RELCH: variants seen among roughly 807,000 people sequenced by gnomAD.
The protein encoded by RELCH is RAB11-binding protein RELCH.
A neutral mutation model predicts 150.3 loss-of-function variants in RELCH; 41 were observed. The ratio of observed to expected loss-of-function variants is 0.27; its 90% CI spans 0.21 to 0.35. The LOEUF (loss-of-function observed/expected upper bound fraction) is 0.35. Among genes scored for constraint, RELCH ranks in the 10% least tolerant of loss-of-function variants. RELCH has a pLI of 1.00. For missense variants in RELCH, 1,092 were observed against 1,467.8 expected (o/e 0.74, Z 4.18); for synonymous variants, 478 against 531.8 (o/e 0.90, Z 1.39).
chr18:62,274,886 A>C (rs1042734884), intron 21 of RELCH, among the ~76,000 whole-genome samples: 2 of 152,226 alleles, frequency 1.3e-5, no homozygotes, highest in Admixed American at 1.3e-4. Flanking sequence ...TTGTATAAGG[A>C]AGGTGACATC....
chr18:62,211,519 T>C (rs2148313798), intron 2 of RELCH, among the ~76,000 whole-genome samples: 1 of 152,344 alleles, frequency 6.6e-6, no homozygotes, highest in East Asian at 1.9e-4. Flanking sequence ...AACTAATGTA[T>C]GACAGGTCCA....
At chr18:62,252,016 A>T (rs1478672488) in intron 11 of RELCH, among the ~76,000 whole-genome samples, 1 of 151,784 alleles carries the variant, frequency 6.6e-6, no homozygotes, top group Non-Finnish European at 1.5e-5. Context: ...TTTTTTCTTG[A>T]GACGGAGTCT....
intron 2 of RELCH, among the ~76,000 whole-genome samples, chr18:62,212,793 G>C (rs925048759): frequency 2.0e-5 from 3 of 152,164 alleles, no homozygotes; most frequent in Middle Eastern, 3.2e-3. Flanking sequence ...TGGCATGAAA[G>C]ATTAGGTTTG....
chr18:62,200,588 A>T (rs2039366377), intron 1 of RELCH, among the ~76,000 whole-genome samples: 1 of 150,588 alleles, frequency 6.6e-6, no homozygotes, highest in African/African-American at 2.4e-5. Context: ...TAATGGAGAG[A>T]TAGACCAAGA....
At chr18:62,204,533 C>T (rs536195099) in intron 1 of RELCH, among the ~76,000 whole-genome samples, 5 of 152,056 alleles carry the variant, frequency 3.3e-5, no homozygotes, top group African/African-American at 9.6e-5. Flanking sequence ...TGTCTCACTA[C>T]GTTTCCCAGG....
At chr18:62,290,508 G>GT (rs1406576925) in intron 26 of RELCH, among the ~76,000 whole-genome samples, 1 of 152,178 alleles carries the variant, frequency 6.6e-6, no homozygotes, top group African/African-American at 2.4e-5. Context: ...TCCAGCCTGC[G>GT]TGAGAAGAGC....
intron 5 of RELCH, among the ~76,000 whole-genome samples, chr18:62,226,753 C>A (rs890074662): frequency 2.0e-5 from 3 of 151,810 alleles, no homozygotes; most frequent in African/African-American, 7.3e-5. Flanking sequence ...ACAATTAAAC[C>A]TATTGATCTA....
intron 1 of RELCH, among the ~76,000 whole-genome samples, chr18:62,189,886 A>C (rs1379816197): frequency 6.6e-6 from 1 of 152,192 alleles, no homozygotes; most frequent in Non-Finnish European, 1.5e-5. Context: ...ATTCATGTGC[A>C]CCTGTGCTTT....
At position 62,275,321 on chromosome 18, in the gene RELCH, A is replaced by G. The variant is rs540595415; in HGVS notation, c.2868-53A>G. The G allele has an allele frequency of 1.6e-5, 14 of 854,948 alleles. No individual in the cohort carries two copies. In the East Asian group the frequency reaches 3.7e-4, roughly 23 times the overall value. 53.0% of individuals were successfully genotyped at this position (854,948 alleles called of 1,614,324 possible). A position where few individuals can be genotyped will look rare whatever the true frequency, so the allele number is the denominator to read the frequency against. ...TAAATATCGTGTTTTTCAGTTCACT[A>G]GTAAGGGACTGTGGCTCTCAATTTT... is the stretch of plus-strand genomic sequence containing the variant. On this transcript the variant is annotated intron_variant, in intron 21 of 28. Transcript: ENST00000644646.
intron 19 of RELCH, among the ~76,000 whole-genome samples, chr18:62,267,847 A>T (rs17069680): frequency 0.042 from 6,452 of 152,066 alleles, 159 homozygotes; most frequent in South Asian, 0.072. Context: ...ATGAATGTTT[A>T]GCTGTTGAAA....
intron 28 of RELCH, chr18:62,300,552 C>G (rs976001923): frequency 1.2e-4 from 19 of 152,306 alleles, no homozygotes; most frequent in African/African-American, 4.3e-4. Context: ...AGAGCTCTGC[C>G]TTTTGTTGTG....
intron 1 of RELCH, among the ~76,000 whole-genome samples, chr18:62,197,148 C>T (rs2039104307): frequency 6.6e-6 from 1 of 152,158 alleles, no homozygotes; most frequent in African/African-American, 2.4e-5. Context: ...ACATGACACT[C>T]CCTGCTTACC....
chr18:62,199,269 G>C (rs189571891), intron 1 of RELCH, among the ~76,000 whole-genome samples: 1 of 151,826 alleles, frequency 6.6e-6, no homozygotes, highest in East Asian at 1.9e-4. Flanking sequence ...TTTTTTGGCT[G>C]TTCCACTTAT....
chr18:62,208,356 CA>C (rs35392932), intron 1 of RELCH, among the ~76,000 whole-genome samples: 77,009 of 132,534 alleles, frequency 0.58, 20,140 homozygotes, highest in Admixed American at 0.65. Context: ...ACTTTTAAAG[CA>C]AAAAAAAAAA....
chr18:62,221,378 T>G lies in RELCH; in HGVS notation c.745-6T>G, dbSNP rs776528552. On this transcript the variant is annotated splice_region_variant and splice_polypyrimidine_tract_variant and intron_variant, in intron 4 of 28. Coordinates refer to ENST00000644646, the MANE Select transcript of RELCH (RefSeq NM_001346231.2). ...ATTTCCTGTTTGCCTCTTATTTTGC[T>G]TCCAGGAGCCAATCAAACCTCTTGA... is the stretch of plus-strand genomic sequence containing the variant. 1.7e-5 allele frequency: 27 copies of G among 1,585,896 alleles called. No individual in the cohort carries two copies. Among genetic ancestry groups the G allele is most frequent in the Non-Finnish European group, 2.3e-5 (26 of 1,155,460 alleles).
At chr18:62,269,714 TAAC>T (rs1432182308) in intron 20 of RELCH, among the ~76,000 whole-genome samples, 1 of 152,142 alleles carries the variant, frequency 6.6e-6, no homozygotes, top group Non-Finnish European at 1.5e-5. Context: ...TGTAAGTACT[TAAC>T]AATAAGAAAA....
chr18:62,306,485 T>C lies in RELCH; in HGVS notation c.*951T>C, dbSNP rs1343768723. 6.6e-6 allele frequency: 1 copy of C among 152,252 alleles called. No homozygotes were observed. Among genetic ancestry groups the C allele is most frequent in the Non-Finnish European group, 1.5e-5 (1 of 68,012 alleles). The allele number at this position is 152,252 out of a possible 1,614,324, so 9.4% of individuals were successfully genotyped here. ...GAGAGTACCTTTTCATTCTGTGTGT[T>C]ACAGAGAAGTACTGAAAAGTTAAGG... On this transcript the variant is annotated 3_prime_UTR_variant, in exon 29 of 29. Transcript: ENST00000644646.
intron 1 of RELCH, among the ~76,000 whole-genome samples, chr18:62,208,824 C>T (rs748833939): frequency 2.6e-5 from 4 of 152,134 alleles, no homozygotes; most frequent in Non-Finnish European, 4.4e-5. Flanking sequence ...CCACAAAAGA[C>T]GTGATCTTCT....
At chr18:62,207,394 A>G (rs2148284978) in intron 1 of RELCH, among the ~76,000 whole-genome samples, 1 of 152,274 alleles carries the variant, frequency 6.6e-6, no homozygotes, top group South Asian at 2.1e-4. Context: ...TTATTTCTTC[A>G]TTTATCAATG....
Sources: gnomAD v4.1 joint callset for allele counts (sites outside exome capture counted in the v4.1 genomes callset) on GRCh38, gnomAD v4.1.1 for gene constraint, MANE v1.5 for transcripts, NCBI Gene and HGNC (gene_info 2026-07-23, HGNC 2026-07-21) for gene names.